The following KIAA2012 variants were observed in gnomAD, a reference collection of about 807,000 sequenced individuals.
KIAA2012 encodes the protein KIAA2012, also known as uncharacterized protein KIAA2012.
A neutral mutation model predicts 150.6 loss-of-function variants in KIAA2012; 125 were observed. The observed-to-expected ratio is 0.83, with a 90% CI of 0.72 to 0.96. The LOEUF is 0.96. KIAA2012 is among the 40% of genes least tolerant of loss of function. KIAA2012 has a pLI of 0.00. For missense variants in KIAA2012, 1,219 were observed against 1,354.9 expected (o/e 0.90, Z 1.57); for synonymous variants, 462 against 504.7 (o/e 0.92, Z 1.13).
At chr2:202,132,679 C>CAT (rs1293251232) in intron 12 of KIAA2012, among the ~76,000 whole-genome samples, 25 of 76,304 alleles carry the variant, frequency 3.3e-4, no homozygotes, top group East Asian at 1.5e-3. Flanking sequence ...TCACAAAATA[C>CAT]ATATATATAT....
intron 11 of KIAA2012, among the ~76,000 whole-genome samples, chr2:202,122,806 A>T (rs1331744019): frequency 6.6e-6 from 1 of 152,130 alleles, no homozygotes; most frequent in Non-Finnish European, 1.5e-5. Flanking sequence ...GCCCAGCCCA[A>T]ATTATCTTTA....
intron 13 of KIAA2012, among the ~76,000 whole-genome samples, chr2:202,148,672 C>A (rs892551146): frequency 6.6e-6 from 1 of 152,160 alleles, no homozygotes; most frequent in African/African-American, 2.4e-5. Flanking sequence ...AGAGGCTATG[C>A]GGCCAGGCTG....
chr2:202,109,405 G>A (rs985448733), intron 9 of KIAA2012, among the ~76,000 whole-genome samples: 8 of 152,262 alleles, frequency 5.3e-5, no homozygotes, highest in African/African-American at 1.7e-4. Context: ...TGCTTAGCAG[G>A]ACTGGAAAAG....
intron 13 of KIAA2012, among the ~76,000 whole-genome samples, chr2:202,140,314 G>A (rs1427598755): frequency 2.6e-5 from 4 of 152,196 alleles, no homozygotes; most frequent in African/African-American, 9.7e-5. Flanking sequence ...GAACACCAGA[G>A]CGAGGGGTCT....
chr2:202,203,636 G>C (rs1343429829), intron 23 of KIAA2012, among the ~76,000 whole-genome samples: 1 of 152,194 alleles, frequency 6.6e-6, no homozygotes, highest in East Asian at 1.9e-4. Flanking sequence ...TCCATGACAG[G>C]AAGTTCTATT....
chr2:202,153,249 T>C lies in KIAA2012; in HGVS notation c.1909-1424T>C, dbSNP rs914673861. Among the ~76,000 whole-genome samples the C allele has an allele frequency of 4.6e-5, 7 of 152,154 alleles. 1 individual carries two copies. Among genetic ancestry groups the C allele is most frequent in the Admixed American group, 3.9e-4 (6 of 15,276 alleles). On this transcript the variant is annotated intron_variant, in intron 13 of 23. Transcript: ENST00000498697. Reference sequence around the variant, plus strand: ...GCCATGGTTCCTGCCTTCAGGGGGCTTCCAGTCTAGAGGAGGAGGAGAGAT... The same window carrying C: ...GCCATGGTTCCTGCCTTCAGGGGGCCTCCAGTCTAGAGGAGGAGGAGAGAT...
At chr2:202,161,262 G>A (rs1574299064) in intron 14 of KIAA2012, among the ~76,000 whole-genome samples, 2 of 152,144 alleles carry the variant, frequency 1.3e-5, no homozygotes, top group South Asian at 2.1e-4. Flanking sequence ...TGTAGTTTGT[G>A]TTCACAAAGT....
At chr2:202,187,848 T>G (rs577811566) in intron 17 of KIAA2012, among the ~76,000 whole-genome samples, 11 of 152,248 alleles carry the variant, frequency 7.2e-5, no homozygotes, top group Non-Finnish European at 1.3e-4. Context: ...AGGTGAAAAC[T>G]CTTTCCCTTT....
intron 16 of KIAA2012, among the ~76,000 whole-genome samples, chr2:202,185,528 A>G (rs929256310): frequency 1.3e-5 from 2 of 152,152 alleles, no homozygotes; most frequent in African/African-American, 4.8e-5. Context: ...GATGAATGAG[A>G]CAGCCACCAG....
At chr2:202,171,891 C>G (rs888240775) in intron 15 of KIAA2012, among the ~76,000 whole-genome samples, 6 of 140,252 alleles carry the variant, frequency 4.3e-5, no homozygotes, top group Non-Finnish European at 6.0e-5. Context: ...ACTCTGTTGC[C>G]CAGGCTTGAG....
intron 15 of KIAA2012, among the ~76,000 whole-genome samples, chr2:202,170,424 T>C (rs568611354): frequency 2.1e-3 from 313 of 152,298 alleles, no homozygotes; most frequent in Non-Finnish European, 3.8e-3. Context: ...GATAGCTCCA[T>C]GGTTCAGCCT....
At chr2:202,148,643 G>C (rs905433454) in intron 13 of KIAA2012, among the ~76,000 whole-genome samples, 4 of 152,174 alleles carry the variant, frequency 2.6e-5, no homozygotes, top group African/African-American at 9.6e-5. Context: ...TGGCTCGGGG[G>C]TTCTGCTGCT....
chr2:202,128,098 T>C (rs1192746299), intron 12 of KIAA2012, among the ~76,000 whole-genome samples: 1 of 151,994 alleles, frequency 6.6e-6, no homozygotes, highest in Non-Finnish European at 1.5e-5. Flanking sequence ...CACAAAGGTT[T>C]TTCCACTTTC....
chr2:202,178,453 C>A (rs1692042814), intron 15 of KIAA2012, among the ~76,000 whole-genome samples: 1 of 152,144 alleles, frequency 6.6e-6, no homozygotes, highest in Admixed American at 6.5e-5. Context: ...GGCCCACATC[C>A]CAAAACTGGG....
At chr2:202,156,668 G>A (rs1311590698) in intron 14 of KIAA2012, among the ~76,000 whole-genome samples, 4 of 152,130 alleles carry the variant, frequency 2.6e-5, no homozygotes, top group South Asian at 2.1e-4. Context: ...GGCAGATCAC[G>A]AGGTCAGGAG....
chr2:202,125,593 G>C (rs763660068), intron 12 of KIAA2012, among the ~76,000 whole-genome samples: 1 of 152,094 alleles, frequency 6.6e-6, no homozygotes, highest in Non-Finnish European at 1.5e-5. Context: ...GTAATCCACT[G>C]CACAATTCCC....
chr2:202,098,097 C>T (rs1411551534), intron 5 of KIAA2012, among the ~76,000 whole-genome samples: 4 of 152,176 alleles, frequency 2.6e-5, no homozygotes, highest in Admixed American at 2.0e-4. Context: ...TGGTGGCTCA[C>T]GCCTGTAATC....
intron 22 of KIAA2012, chr2:202,197,967 A>G (rs1339550828): frequency 6.6e-6 from 1 of 151,148 alleles, no homozygotes; most frequent in Non-Finnish European, 1.5e-5. Flanking sequence ...TGAGGTCAGG[A>G]GTTTGAGACC....
intron 14 of KIAA2012, among the ~76,000 whole-genome samples, chr2:202,157,631 C>T (rs759536100): frequency 1.3e-5 from 2 of 152,172 alleles, no homozygotes; most frequent in Non-Finnish European, 2.9e-5. Context: ...TGTAGAATTA[C>T]TCCATTTTAC....
Sources: allele counts gnomAD v4.1 joint callset (sites outside exome capture counted in the v4.1 genomes callset), GRCh38; gene constraint gnomAD v4.1.1; transcripts MANE v1.5; gene names NCBI Gene and HGNC (gene_info 2026-07-23, HGNC 2026-07-21).